The following ADAMTSL1 variants were observed in gnomAD, a reference collection of about 807,000 sequenced individuals.
ADAMTSL1 encodes ADAMTS like 1, also known as ADAMTS-like protein 1.
Under a neutral mutation model 201.8 loss-of-function variants are expected in ADAMTSL1, and 126 were observed. The ratio of observed to expected loss-of-function variants is 0.62; its 90% CI spans 0.54 to 0.72. ADAMTSL1 has a LOEUF of 0.72. Ranked by LOEUF, ADAMTSL1 falls within the 30% of genes least tolerant of loss-of-function variation. The pLI is 0.00. For synonymous variants in ADAMTSL1, 1,121 were observed against 903.4 expected (o/e 1.24, Z -4.32); for missense variants, 2,679 against 2,277.8 (o/e 1.18, Z -3.59).
chr9:18,053,684 G>A (rs1255594129), intron 1 of ADAMTSL1, among the ~76,000 whole-genome samples: 1 of 152,100 alleles, frequency 6.6e-6, no homozygotes, highest in Non-Finnish European at 1.5e-5. Flanking sequence ...TCACTCCCAT[G>A]TTACATTCAT....
intron 3 of ADAMTSL1, among the ~76,000 whole-genome samples, chr9:18,536,996 A>G (rs754006559): frequency 6.6e-6 from 1 of 152,212 alleles, no homozygotes; most frequent in Non-Finnish European, 1.5e-5. Flanking sequence ...AATTAGCAAC[A>G]TAATAGGCCA....
At chr9:17,931,198 T>C (rs943099978) in intron 1 of ADAMTSL1, among the ~76,000 whole-genome samples, 9 of 152,214 alleles carry the variant, frequency 5.9e-5, no homozygotes, top group African/African-American at 2.2e-4. Flanking sequence ...AAAGCTTACC[T>C]GGCCATCCTT....
At chr9:18,237,227 C>T (rs1163409857) in intron 2 of ADAMTSL1, among the ~76,000 whole-genome samples, 4 of 152,184 alleles carry the variant, frequency 2.6e-5, no homozygotes, top group Non-Finnish European at 5.9e-5. Flanking sequence ...GAGATGGGCC[C>T]ACCTGGCTGC....
chr9:18,140,442 A>G (rs944160406), intron 1 of ADAMTSL1, among the ~76,000 whole-genome samples: 2 of 152,184 alleles, frequency 1.3e-5, no homozygotes, highest in Admixed American at 6.5e-5. Flanking sequence ...CTCCCAATGG[A>G]GTCAGTACTG....
intron 4 of ADAMTSL1, among the ~76,000 whole-genome samples, chr9:18,593,563 C>G (rs1367578273): frequency 6.6e-6 from 1 of 151,886 alleles, no homozygotes; most frequent in African/African-American, 2.4e-5. Flanking sequence ...CCTCTTAGTA[C>G]TGCTTATACT....
intron 2 of ADAMTSL1, among the ~76,000 whole-genome samples, chr9:18,378,248 G>A (rs1423164969): frequency 6.6e-6 from 1 of 152,164 alleles, no homozygotes; most frequent in Non-Finnish European, 1.5e-5. Flanking sequence ...GTTATTTGAG[G>A]ACTAACGGAA....
intron 14 of ADAMTSL1, among the ~76,000 whole-genome samples, chr9:18,717,703 A>G (rs1554740157): frequency 6.6e-6 from 1 of 152,198 alleles, no homozygotes; most frequent in Non-Finnish European, 1.5e-5. Flanking sequence ...TGGATGAAGA[A>G]TGTCTCTTAG....
rs1411796 is a variant in ADAMTSL1 at position 18,186,310 on chromosome 9, T to A, written c.207+22329T>A. Among the ~76,000 whole-genome samples, 388 of 152,294 alleles carry A rather than the reference T, an allele frequency of 2.5e-3. 1 individual carries two copies. Among genetic ancestry groups the A allele is most frequent in the African/African-American group, 8.9e-3 (371 of 41,564 alleles). On this transcript the variant is annotated intron_variant, in intron 2 of 29. Coordinates refer to the ADAMTSL1 transcript ENST00000680146. Reference sequence around the variant, plus strand: ...TCTTATTTTTAAAAAAGCACAAAACTTGAAGCATGTTTCTATAACCTTCCT... The same window carrying A: ...TCTTATTTTTAAAAAAGCACAAAACATGAAGCATGTTTCTATAACCTTCCT...
intron 1 of ADAMTSL1, among the ~76,000 whole-genome samples, chr9:18,094,038 T>G (rs967445976): frequency 6.6e-6 from 1 of 152,126 alleles, no homozygotes; most frequent in Non-Finnish European, 1.5e-5. Flanking sequence ...TGTCAGACAC[T>G]AGGACACTGA....
intron 1 of ADAMTSL1, among the ~76,000 whole-genome samples, chr9:18,503,483 G>C (rs1442496165): frequency 7.1e-6 from 1 of 141,422 alleles, no homozygotes; most frequent in Non-Finnish European, 1.5e-5. Flanking sequence ...GGACATTTGG[G>C]TTATTTCCAC....
At chr9:18,713,518 G>A (rs1338794132) in intron 14 of ADAMTSL1, among the ~76,000 whole-genome samples, 3 of 152,062 alleles carry the variant, frequency 2.0e-5, no homozygotes, top group Non-Finnish European at 4.4e-5. Flanking sequence ...TTACATAATA[G>A]TAAAGGGATC....
intron 2 of ADAMTSL1, among the ~76,000 whole-genome samples, chr9:18,438,544 C>T (rs1345017396): frequency 6.6e-6 from 1 of 152,180 alleles, no homozygotes; most frequent in Non-Finnish European, 1.5e-5. Context: ...CTCTCTCCGG[C>T]CCCATCCCCT....
chr9:18,259,396 A>G (rs2809855), intron 2 of ADAMTSL1, among the ~76,000 whole-genome samples: 5,931 of 151,926 alleles, frequency 0.039, 409 homozygotes, highest in African/African-American at 0.14. Flanking sequence ...ATGGTGGCAC[A>G]TGCCTGTAGT....
intron 7 of ADAMTSL1, among the ~76,000 whole-genome samples, chr9:18,649,112 T>G (rs959106747): frequency 2.6e-5 from 4 of 152,200 alleles, no homozygotes; most frequent in African/African-American, 9.6e-5. Flanking sequence ...TCTCTAAACT[T>G]CCTTTCTCGC....
At chr9:18,547,723 G>A (rs1820558107) in intron 3 of ADAMTSL1, among the ~76,000 whole-genome samples, 1 of 149,036 alleles carries the variant, frequency 6.7e-6, no homozygotes, top group South Asian at 2.1e-4. Flanking sequence ...CTGTTTGATA[G>A]ACATAGATAC....
At chr9:18,586,404 A>G (rs60971879) in intron 4 of ADAMTSL1, among the ~76,000 whole-genome samples, 2,070 of 152,196 alleles carry the variant, frequency 0.014, 44 homozygotes, top group African/African-American at 0.04. Context: ...AGAACTTTCT[A>G]CAATAATAAT....
chr9:18,703,010 C>T (rs1472069426), intron 13 of ADAMTSL1, among the ~76,000 whole-genome samples: 4 of 152,062 alleles, frequency 2.6e-5, no homozygotes, highest in African/African-American at 9.7e-5. Context: ...GATCTGCCTG[C>T]GTTGGCCTCC....
At chr9:18,501,016 A>G (rs79818382) in intron 1 of ADAMTSL1, among the ~76,000 whole-genome samples, 7,739 of 152,278 alleles carry the variant, frequency 0.051, 417 homozygotes, top group African/African-American at 0.13. Flanking sequence ...TTATCTGACG[A>G]AAATCATTGA....
intron 22 of ADAMTSL1, among the ~76,000 whole-genome samples, chr9:18,827,841 GA>G (rs776353253): frequency 6.6e-6 from 1 of 152,130 alleles, no homozygotes; most frequent in African/African-American, 2.4e-5. Context: ...ACTTAATGGG[GA>G]AAAAAATCAC....
Sources: allele counts gnomAD v4.1 joint callset (sites outside exome capture counted in the v4.1 genomes callset), GRCh38; gene constraint gnomAD v4.1.1; transcripts MANE v1.5; gene names NCBI Gene and HGNC (gene_info 2026-07-23, HGNC 2026-07-21).